The following AR variants were observed in gnomAD, a reference collection of about 807,000 sequenced individuals.
AR encodes the protein dihydrotestosterone receptor.
A neutral mutation model predicts 53.9 loss-of-function variants in AR; 8 were observed. The observed-to-expected ratio is 0.15, with a 90% confidence interval of 0.09 to 0.27. The LOEUF is 0.27. Ranked by LOEUF, AR falls within the 10% of genes least tolerant of loss-of-function variation. The probability of loss-of-function intolerance (pLI) is 1.00; values close to 1 mark genes in which losing one functional copy is unlikely to be tolerated. For missense variants in AR, 639 were observed against 742.5 expected, an observed-to-expected ratio of 0.86 and a Z score of 1.62; for synonymous variants, 359 against 316.4, an observed-to-expected ratio of 1.13 and a Z score of -1.43.
intron 3 of AR, chrX:67,695,819 T>TCA: frequency 6.7e-6 from 5 of 740,846 alleles, no homozygotes; most frequent in Non-Finnish European, 7.9e-6. Flanking sequence ...TCTCTCTCTC[T>TCA]CTCACACACA....
At chrX:67,675,694 T>C (rs1045892032) in intron 2 of AR, among the ~76,000 whole-genome samples, 1 of 112,153 alleles carries the variant, frequency 8.9e-6, no homozygotes, top group Non-Finnish European at 1.9e-5. Context: ...AATTCAAGAA[T>C]GTCTTTCCTA....
At chrX:67,704,038 T>C (rs1190310437) in intron 3 of AR, among the ~76,000 whole-genome samples, 5 of 112,178 alleles carry the variant, frequency 4.5e-5, no homozygotes, top group African/African-American at 1.3e-4. Context: ...CTTAATCCAG[T>C]CTATCATTGA....
chrX:67,704,063 G>A (rs1050657838), intron 3 of AR, among the ~76,000 whole-genome samples: 1 of 111,854 alleles, frequency 8.9e-6, no homozygotes, highest in Non-Finnish European at 1.9e-5. Context: ...CATTTGGGTT[G>A]GTTCCAAGGC....
rs191479070 is a variant in AR at position 67,641,841 on chromosome X, G to C, written c.1617-1415G>C. Among the ~76,000 whole-genome samples, 19 of 99,591 alleles carry C rather than the reference G, an allele frequency of 1.9e-4. No homozygotes were observed. The East Asian group carries it at 6.5e-3, about 34-fold the overall frequency. 86.5% of individuals were successfully genotyped at this position (99,591 alleles called of 115,157 possible). A position where few individuals can be genotyped will look rare whatever the true frequency, so the allele number is the denominator to read the frequency against. ...GACATAGCTGTTCACTTGGGGTTGA[G>C]GGGAGGATAACCTTTCATGTTTTTT... On this transcript the variant is annotated intron_variant, in intron 1 of 7. Transcript: ENST00000374690.
chrX:67,641,156 C>T (rs1292882334), intron 1 of AR, among the ~76,000 whole-genome samples: 1 of 111,526 alleles, frequency 9.0e-6, no homozygotes, highest in Non-Finnish European at 1.9e-5. Flanking sequence ...GAGTCAGACT[C>T]ACCCAGGATG....
At position 67,694,487 on chromosome X, in the gene AR, C is replaced by G. The variant is rs1190994968; in HGVS notation, c.1885+8361C>G. Among the ~76,000 whole-genome samples, 5 of 110,616 alleles carry G rather than the reference C, an allele frequency of 4.5e-5. No homozygotes were observed. In the East Asian group the frequency reaches 1.4e-3, roughly 32 times the overall value. ...AACAATTTTCCATTTCCCCATCTCA[C>G]TTCTGTCTTACAAGTGGATAGGAAA... On this transcript the variant is annotated intron_variant, in intron 3 of 7. Coordinates refer to ENST00000374690, the MANE Select transcript of AR (RefSeq NM_000044.6).
chrX:67,547,996 C>T (rs1286001436), intron 1 of AR, among the ~76,000 whole-genome samples: 3 of 112,291 alleles, frequency 2.7e-5, no homozygotes, highest in Admixed American at 9.4e-5. Flanking sequence ...TGAGGGAGGA[C>T]AGACTGAATT....
At chrX:67,650,572 A>G (rs1425514691) in intron 2 of AR, among the ~76,000 whole-genome samples, 1 of 112,518 alleles carries the variant, frequency 8.9e-6, no homozygotes, top group African/African-American at 3.2e-5. Flanking sequence ...GCGAGAAGCC[A>G]TCATTGTAAA....
chrX:67,721,851 C>T lies in AR; in HGVS notation c.2337C>T (p.Ser779=), dbSNP rs2076137271. The T allele has an allele frequency of 1.7e-6, 2 of 1,210,778 alleles. No individual in the cohort carries two copies. The highest frequency in any genetic ancestry group is 3.5e-5 in the South Asian group (2 of 56,898). ...LVFNEYRMHK[S]RMYSQCVRMR... is the part of the protein sequence containing the mutation. ...TTCCCAGGTACCGCATGCACAAGTCCCGGATGTACAGCCAGTGTGTCCGAA... is the reference window on the plus strand; with the variant it reads ...TTCCCAGGTACCGCATGCACAAGTCTCGGATGTACAGCCAGTGTGTCCGAA... The change falls in exon 6 of 8, where the codon TCC becomes TCT. Residue 779 remains serine, a synonymous_variant. Transcript: ENST00000374690.
chrX:67,619,329 C>CTG (rs1337746485), intron 1 of AR, among the ~76,000 whole-genome samples: 26 of 109,505 alleles, frequency 2.4e-4, no homozygotes, highest in East Asian at 1.2e-3. Flanking sequence ...CTCTCTCTCT[C>CTG]TCTGTGTGTG....
chrX:67,671,816 G>A lies in AR; in HGVS notation c.1769-14194G>A, dbSNP rs2075867155. On this transcript the variant is annotated intron_variant, in intron 2 of 7. Coordinates refer to ENST00000374690, the MANE Select transcript of AR (RefSeq NM_000044.6). Reference sequence around the variant, plus strand: ...GGTCCACTTTCAGTTTTCTGCATGAGGCTAACGAGTTTTCCCAACACCATT... The same window carrying A: ...GGTCCACTTTCAGTTTTCTGCATGAAGCTAACGAGTTTTCCCAACACCATT... Among the ~76,000 whole-genome samples, 3 of 111,915 alleles carry A rather than the reference G, an allele frequency of 2.7e-5. No individual in the cohort carries two copies. In the South Asian group the frequency reaches 1.1e-3, roughly 41 times the overall value.
At chrX:67,606,794 G>A (rs995527795) in intron 1 of AR, among the ~76,000 whole-genome samples, 1 of 111,893 alleles carries the variant, frequency 8.9e-6, no homozygotes, top group African/African-American at 3.3e-5. Context: ...GATGACTTTG[G>A]GAGTAAAATA....
intron 4 of AR, among the ~76,000 whole-genome samples, chrX:67,714,973 G>A (rs1051857378): frequency 9.0e-6 from 1 of 111,516 alleles, no homozygotes; most frequent in Non-Finnish European, 1.9e-5. Flanking sequence ...TTAATATTAT[G>A]GCCAAATTAA....
In AR at chrX:67,669,249, C is replaced by T. The variant is rs527547943; in HGVS notation, c.1769-16761C>T. Among the ~76,000 whole-genome samples the T allele has an allele frequency of 1.4e-4, 15 of 111,027 alleles. No homozygotes were observed. In the South Asian group the frequency reaches 5.2e-3, roughly 39 times the overall value. On this transcript the variant is annotated intron_variant, in intron 2 of 7. Coordinates refer to ENST00000374690, the MANE Select transcript of AR (RefSeq NM_000044.6). The stretch of plus-strand genomic sequence containing the variant: ...TTTAGTATGTTGTTTAGTATGTTTC[C>T]AATTTGGTACATTTCAATAAATTTT...
chrX:67,614,385 T>TA (rs973871211), intron 1 of AR, among the ~76,000 whole-genome samples: 3 of 111,670 alleles, frequency 2.7e-5, no homozygotes, highest in Admixed American at 1.9e-4. Flanking sequence ...AAATTAAAAA[T>TA]AAAAAAATCA....
At chrX:67,576,617 A>AG (rs776683713) in intron 1 of AR, among the ~76,000 whole-genome samples, 18 of 111,326 alleles carry the variant, frequency 1.6e-4, no homozygotes, top group African/African-American at 5.9e-4. Flanking sequence ...CCACGTTTGG[A>AG]TACCTTGGTC....
At chrX:67,640,813 A>G (rs1443442455) in intron 1 of AR, among the ~76,000 whole-genome samples, 1 of 111,574 alleles carries the variant, frequency 9.0e-6, no homozygotes. Context: ...CATCAGCATT[A>G]TCATTATCAT....
At chrX:67,711,793 G>C in intron 4 of AR, 104 bp downstream of exon 4, 1 of 873,234 alleles carries the variant, frequency 1.1e-6, no homozygotes, top group Non-Finnish European at 1.6e-6. Context: ...CATTAACTCA[G>C]GCAGTCTTCA....
At position 67,545,663 on chromosome X, in the gene AR, G is replaced by C. The variant is rs2147316854; in HGVS notation, c.517G>C (p.Gly173Arg). Residue 173 changes from glycine to arginine, a missense_variant, in exon 1 of 8, where the codon GGC becomes CGC. Physicochemically the swap from Gly to Arg is moderately radical, Grantham distance 125. Around this residue, in one of 5 missense-constraint regions of AR, gnomAD observed 423 missense variants for 377.0 expected, o/e 1.12. Coordinates refer to ENST00000374690, the MANE Select transcript of AR (RefSeq NM_000044.6). ...TLSLLGPTFP[G>R]LSSCSADLKD... ...GTCCCTGCTGGGCCCCACTTTCCCC[G>C]GCTTAAGCAGCTGCTCCGCTGACCT... 2 of 1,199,459 alleles carry C rather than the reference G, an allele frequency of 1.7e-6. No individual in the cohort carries two copies. The highest frequency in any genetic ancestry group is 3.5e-5 in the African/African-American group (2 of 57,423).
Sources: gnomAD v4.1 joint callset for allele counts (sites outside exome capture counted in the v4.1 genomes callset) on GRCh38, gnomAD v4.1.1 for gene constraint, gnomAD v4.1.1 regional missense constraint, MANE v1.5 for transcripts, NCBI Gene and HGNC (gene_info 2026-07-23, HGNC 2026-07-21) for gene names.